WDR72: variants seen among roughly 807,000 people sequenced by gnomAD.
The protein encoded by WDR72 is WD repeat-containing protein 72.
A neutral mutation model predicts 124.2 loss-of-function variants in WDR72; 120 were observed. That is an observed-to-expected ratio of 0.97 (90% CI 0.83 to 1.12). The LOEUF is 1.12. Ranked by LOEUF, WDR72 falls within the 50% of genes most tolerant of loss-of-function variation. The pLI is 0.00. For synonymous variants in WDR72, 452 were observed against 441.7 expected (o/e 1.02, Z -0.29); for missense variants, 1,387 against 1,278.8 (o/e 1.08, Z -1.29).
chr15:53,631,025 A>G (rs143223487), intron 14 of WDR72, among the ~76,000 whole-genome samples: 8 of 152,354 alleles, frequency 5.3e-5, no homozygotes, highest in African/African-American at 4.8e-5. Context: ...GTAGTACACA[A>G]TATCAATATA....
chr15:53,622,622 C>A (rs1263476929), intron 14 of WDR72, among the ~76,000 whole-genome samples: 2 of 151,778 alleles, frequency 1.3e-5, no homozygotes, highest in African/African-American at 2.4e-5. Context: ...TGGGGGCAGT[C>A]TGAGGAGGGA....
chr15:53,655,178 C>T (rs1297846439), intron 14 of WDR72, among the ~76,000 whole-genome samples: 2 of 120,554 alleles, frequency 1.7e-5, no homozygotes, highest in African/African-American at 6.5e-5. Flanking sequence ...CTGCAATGAG[C>T]AAGGATCGCA....
chr15:53,760,055 T>C (rs1276515150), upstream of WDR72, among the ~76,000 whole-genome samples: 2 of 149,432 alleles, frequency 1.3e-5, no homozygotes, highest in African/African-American at 2.5e-5. Context: ...GGATACACAG[T>C]AGGTGTATAT....
chr15:53,676,526 G>C (rs2016178270), intron 13 of WDR72, among the ~76,000 whole-genome samples: 1 of 152,352 alleles, frequency 6.6e-6, no homozygotes, highest in Admixed American at 6.5e-5. Flanking sequence ...ATAAAGGTCA[G>C]GGAGTGGCCT....
chr15:53,668,323 G>C (rs1470567883), intron 13 of WDR72, among the ~76,000 whole-genome samples: 1 of 152,186 alleles, frequency 6.6e-6, no homozygotes. Context: ...TTCTGTAAAA[G>C]ATATAGACAG....
At position 53,554,235 on chromosome 15, in the gene WDR72, C is replaced by G. The variant is rs567847125; in HGVS notation, c.3149-30913G>C. On this transcript the variant is annotated intron_variant, in intron 18 of 19. Coordinates refer to ENST00000360509, the MANE Select transcript of WDR72 (RefSeq NM_182758.4). Reference sequence around the variant, plus strand: ...GCCAATTTTTGAATTGCAGAAGAGCCATTTGGTAAAATAACATTGTCTCTA... The same window carrying G: ...GCCAATTTTTGAATTGCAGAAGAGCGATTTGGTAAAATAACATTGTCTCTA... Among the ~76,000 whole-genome samples the G allele has an allele frequency of 3.9e-5, 6 of 152,096 alleles. No individual in the cohort carries two copies. In the East Asian group the frequency reaches 1.2e-3, roughly 29 times the overall value.
At position 53,665,606 on chromosome 15, in the gene WDR72, G is replaced by C. The variant is rs1166911933; in HGVS notation, c.1928C>G (p.Pro643Arg). 1.2e-6 allele frequency: 2 copies of C among 1,613,768 alleles called. No homozygotes were observed. The highest frequency in any genetic ancestry group is 1.7e-6 in the Non-Finnish European group (2 of 1,179,854). The change falls in exon 14 of 20, where the codon CCT (proline) becomes CGT (arginine). Residue 643 changes from proline to arginine, a missense_variant. Coordinates refer to ENST00000360509, the MANE Select transcript of WDR72 (RefSeq NM_182758.4). ...SSSPYQLGPL[P>R]CPGLQVESSC... ...AGACTCCACCTGCAGACCAGGGCAA[G>C]GTAATGGCCCAAGCTGGTAGGGGCT...
intron 12 of WDR72, 101 bp from the exon 13 acceptor site, chr15:53,700,046 A>G: frequency 7.4e-7 from 1 of 1,349,716 alleles, no homozygotes; most frequent in South Asian, 1.2e-5. Flanking sequence ...GTTTTGTTAA[A>G]GCCCCATTTA....
intron 18 of WDR72, among the ~76,000 whole-genome samples, chr15:53,540,186 G>A (rs550412254): frequency 1.3e-5 from 2 of 152,298 alleles, no homozygotes; most frequent in South Asian, 2.1e-4. Flanking sequence ...ACATATCTCT[G>A]AATATAAGAC....
intron 18 of WDR72, among the ~76,000 whole-genome samples, chr15:53,595,487 T>G (rs1343320828): frequency 6.6e-6 from 1 of 152,130 alleles, no homozygotes; most frequent in Non-Finnish European, 1.5e-5. Context: ...ACAGAAAAAT[T>G]CATCTAAAGT....
chr15:53,543,311 A>G (rs1233276662), intron 18 of WDR72, among the ~76,000 whole-genome samples: 4 of 151,772 alleles, frequency 2.6e-5, no homozygotes, highest in Non-Finnish European at 4.4e-5. Flanking sequence ...ACCACAGTGC[A>G]ATGAAACTAG....
At chr15:53,736,424 G>C (rs543373373) in intron 1 of WDR72, among the ~76,000 whole-genome samples, 3 of 152,186 alleles carry the variant, frequency 2.0e-5, no homozygotes, top group Non-Finnish European at 4.4e-5. Context: ...ATTGGAGCAG[G>C]AACAAGTGAG....
At chr15:53,528,886 G>C (rs1342449636) in intron 18 of WDR72, among the ~76,000 whole-genome samples, 1 of 151,946 alleles carries the variant, frequency 6.6e-6, no homozygotes, top group Non-Finnish European at 1.5e-5. Context: ...GCAATGGGCT[G>C]CCTCAGTAAG....
rs765444473 is a variant in WDR72, at chr15:53,650,358, A to T, written c.1962+15214T>A. Reference sequence around the variant, plus strand: ...ATAGAGATCTGCTGTACAACACTGTACCTAGAGTCAGCAATAACGTACTAT... The same window carrying T: ...ATAGAGATCTGCTGTACAACACTGTTCCTAGAGTCAGCAATAACGTACTAT... On this transcript the variant is annotated intron_variant, in intron 14 of 19. Coordinates refer to ENST00000360509, the MANE Select transcript of WDR72 (RefSeq NM_182758.4). Among the ~76,000 whole-genome samples the T allele has an allele frequency of 4.1e-4, 63 of 152,198 alleles. 1 individual carries two copies. The highest frequency in any genetic ancestry group is 1.4e-3 in the African/African-American group (59 of 41,446).
At chr15:53,579,860 T>C (rs1009819012) in intron 18 of WDR72, among the ~76,000 whole-genome samples, 2 of 152,060 alleles carry the variant, frequency 1.3e-5, no homozygotes, top group African/African-American at 4.8e-5. Context: ...ATGCCTGTAA[T>C]AGAAAGATCA....
upstream of WDR72, among the ~76,000 whole-genome samples, chr15:53,760,212 A>G (rs1266958367): frequency 6.6e-6 from 1 of 151,958 alleles, no homozygotes. Flanking sequence ...TAACTGCACA[A>G]TTATATTATT....
intron 14 of WDR72, among the ~76,000 whole-genome samples, chr15:53,664,699 C>T (rs1396065848): frequency 6.6e-6 from 1 of 151,952 alleles, no homozygotes; most frequent in Non-Finnish European, 1.5e-5. Context: ...TTTAAATAAT[C>T]TACATGAAAA....
intron 2 of WDR72, 78 bp downstream of exon 2, chr15:53,732,919 T>C (rs2018242741): frequency 1.5e-5 from 23 of 1,548,012 alleles, no homozygotes; most frequent in Non-Finnish European, 2.1e-5. Flanking sequence ...AACCTTCCAC[T>C]GTCATTGCAG....
At chr15:53,640,087 A>T (rs1353947603) in intron 14 of WDR72, among the ~76,000 whole-genome samples, 1 of 152,226 alleles carries the variant, frequency 6.6e-6, no homozygotes, top group Non-Finnish European at 1.5e-5. Flanking sequence ...CACTTTTAAA[A>T]ATTAAGTATG....
Sources: allele counts gnomAD v4.1 joint callset (sites outside exome capture counted in the v4.1 genomes callset), GRCh38; gene constraint gnomAD v4.1.1; transcripts MANE v1.5; gene names NCBI Gene and HGNC (gene_info 2026-07-23, HGNC 2026-07-21).